Variants in JAKMIP1 observed in about 807,000 individuals in gnomAD.
The protein encoded by JAKMIP1 is janus kinase and microtubule interacting protein 1, also known as janus kinase and microtubule-interacting protein 1.
A neutral mutation model predicts 113.0 loss-of-function variants in JAKMIP1; 33 were observed. The observed-to-expected ratio is 0.29, with a 90% CI of 0.22 to 0.39. JAKMIP1 has a LOEUF of 0.39. Among genes scored for constraint, JAKMIP1 ranks in the 10% least tolerant of loss-of-function variants. JAKMIP1 has a pLI of 1.00. For missense variants in JAKMIP1, 813 were observed against 1,080.5 expected (o/e 0.75, Z 3.47); for synonymous variants, 480 against 459.9 (o/e 1.04, Z -0.56).
chr4:6,191,915 T>TTATTTATTTATG (rs1727303493), intron 1 of JAKMIP1, among the ~76,000 whole-genome samples: 1 of 147,916 alleles, frequency 6.8e-6, no homozygotes. Context: ...GGAGTGCATT[T>TTATTTATTTATG]TATTTATTTA....
Position 6,180,460 on chromosome 4 carries a change from T to G in JAKMIP1, c.-148+19793A>C, listed in dbSNP as rs899265612. Among the ~76,000 whole-genome samples, 1 of 152,204 alleles carries G rather than the reference T, an allele frequency of 6.6e-6. No homozygotes were observed. The highest frequency in any genetic ancestry group is 1.5e-5 in the Non-Finnish European group (1 of 68,042). ...GGTGAGGATAGGCAATGGGGACCGA[T>G]ACCTGTGCTACAAGAAGAATTAAGC... On this transcript the variant is annotated intron_variant, in intron 1 of 20. Coordinates refer to ENST00000409021, the MANE Select transcript of JAKMIP1 (RefSeq NM_001099433.2). The surrounding 1 kb of genome is among the most constrained non-coding windows in gnomAD (Gnocchi z 4.5).
chr4:6,199,377 C>A lies in JAKMIP1; in HGVS notation c.-148+876G>T, dbSNP rs888452408. On this transcript the variant is annotated intron_variant, in intron 1 of 20. Coordinates refer to ENST00000409021, the MANE Select transcript of JAKMIP1 (RefSeq NM_001099433.2). This position sits in a 1 kb window ranked among gnomAD's most constrained non-coding sequence, Gnocchi z 5.6. ...GCGGCCTCTATCTGGGCTGCCCAGGCCGGATGCTCAGGAGCCCACAGCAGG... is the reference window on the plus strand; with the variant it reads ...GCGGCCTCTATCTGGGCTGCCCAGGACGGATGCTCAGGAGCCCACAGCAGG... Among the ~76,000 whole-genome samples, 11 of 152,124 alleles carry A rather than the reference C, an allele frequency of 7.2e-5. No individual in the cohort carries two copies. Among genetic ancestry groups the A allele is most frequent in the Non-Finnish European group, 1.2e-4 (8 of 68,010 alleles).
At chr4:6,071,991 G>C (rs911265281) in intron 8 of JAKMIP1, among the ~76,000 whole-genome samples, 1 of 152,252 alleles carries the variant, frequency 6.6e-6, no homozygotes, top group African/African-American at 2.4e-5. Flanking sequence ...AAAAACTTAA[G>C]CTGAAAGCTG....
intron 2 of JAKMIP1, among the ~76,000 whole-genome samples, chr4:6,111,304 G>A (rs530784662): frequency 6.6e-6 from 1 of 152,328 alleles, no homozygotes; most frequent in East Asian, 1.9e-4. Flanking sequence ...CGGGGCTTCA[G>A]ATAGACCTTC....
chr4:6,125,858 AGAAACTCG>A (rs1560231060), intron 1 of JAKMIP1, among the ~76,000 whole-genome samples: 123 of 6,404 alleles, frequency 0.019, no homozygotes, highest in Non-Finnish European at 0.031. Flanking sequence ...CCCCCCATAC[AGAAACTCG>A]CGCCATACAC....
chr4:6,040,364 T>C lies in JAKMIP1; in HGVS notation c.2175+275A>G, dbSNP rs1441080826. On this transcript the variant is annotated intron_variant, in intron 18 of 20. Coordinates refer to ENST00000409021, the MANE Select transcript of JAKMIP1 (RefSeq NM_001099433.2). This position sits in a 1 kb window ranked among gnomAD's most constrained non-coding sequence, Gnocchi z 5.8. ...AGTAAAATCAAACATAAAAGAAATA[T>C]AGTTTCTTCTCATTCATCTCAAATG... Among the ~76,000 whole-genome samples, 2 of 152,242 alleles carry C rather than the reference T, an allele frequency of 1.3e-5. No homozygotes were observed. The highest frequency in any genetic ancestry group is 6.5e-5 in the Admixed American group (1 of 15,282).
rs1019295385 is a variant in JAKMIP1 at position 6,192,726 on chromosome 4, C to G, written c.-148+7527G>C. 6.6e-6 allele frequency among the ~76,000 whole-genome samples: 1 copy of G among 152,322 alleles called. No homozygotes were observed. On this transcript the variant is annotated intron_variant, in intron 1 of 20. Coordinates refer to ENST00000409021, the MANE Select transcript of JAKMIP1 (RefSeq NM_001099433.2). The surrounding 1 kb of genome is among the most constrained non-coding windows in gnomAD (Gnocchi z 5.0). ...ACCCCACAGGCAGGGTTCCTGCCCT[C>G]ATAGTGCTTGATTCTAGCTTCTGGG... is the stretch of plus-strand genomic sequence containing the variant.
chr4:6,148,204 T>G (rs531072937), intron 1 of JAKMIP1, among the ~76,000 whole-genome samples: 1 of 152,342 alleles, frequency 6.6e-6, no homozygotes, highest in African/African-American at 2.4e-5. Context: ...CCAAGTTGAA[T>G]AGCAGCTGGA....
chr4:6,178,256 C>A lies in JAKMIP1; in HGVS notation c.-148+21997G>T, dbSNP rs376182508. On this transcript the variant is annotated intron_variant, in intron 1 of 20. Transcript: ENST00000409021. The surrounding 1 kb of genome is among the most constrained non-coding windows in gnomAD (Gnocchi z 5.5). Reference sequence around the variant, plus strand: ...GAGACGTGGCTACCTTTCAGGTAAGCAGCTTTTCCTTTGTTACCCTACGAT... The same window carrying A: ...GAGACGTGGCTACCTTTCAGGTAAGAAGCTTTTCCTTTGTTACCCTACGAT... Among the ~76,000 whole-genome samples, 85 of 152,338 alleles carry A rather than the reference C, an allele frequency of 5.6e-4. 4 individuals are homozygous for A. The South Asian group carries it at 0.017, about 30-fold the overall frequency.
At chr4:6,072,560 C>G (rs1267481170) in intron 8 of JAKMIP1, among the ~76,000 whole-genome samples, 1 of 152,190 alleles carries the variant, frequency 6.6e-6, no homozygotes, top group Admixed American at 6.5e-5. Context: ...TACACACCAA[C>G]CGAGGCCAGC....
At chr4:6,095,513 T>C (rs1336591733) in intron 3 of JAKMIP1, among the ~76,000 whole-genome samples, 1 of 152,204 alleles carries the variant, frequency 6.6e-6, no homozygotes, top group Non-Finnish European at 1.5e-5. Flanking sequence ...CAGAGTCCTG[T>C]TTGCAGCCAT....
Position 6,186,401 on chromosome 4 carries a change from A to G in JAKMIP1, c.-148+13852T>C, listed in dbSNP as rs554669923. On this transcript the variant is annotated intron_variant, in intron 1 of 20. Transcript: ENST00000409021. This position sits in a 1 kb window ranked among gnomAD's most constrained non-coding sequence, Gnocchi z 5.5. ...AAGGGGCAAGCAGGAGTGATGGAGG[A>G]TGAGACAGGAAGGGAAAAGTGGGGG... Among the ~76,000 whole-genome samples, 8 of 152,308 alleles carry G rather than the reference A, an allele frequency of 5.3e-5. No individual in the cohort carries two copies. Among genetic ancestry groups the G allele is most frequent in the African/African-American group, 1.9e-4 (8 of 41,566 alleles).
Position 6,061,136 on chromosome 4 carries a change from A to T in JAKMIP1, c.1561-629T>A, listed in dbSNP as rs1354177182. The stretch of plus-strand genomic sequence containing the variant: ...AAGAAATGGGACGCCTGTTGCTGCC[A>T]GATGTTCTGACCTTTCAAGAGAGGT... On this transcript the variant is annotated intron_variant, in intron 10 of 20. Coordinates refer to ENST00000409021, the MANE Select transcript of JAKMIP1 (RefSeq NM_001099433.2). The surrounding 1 kb of genome is among the most constrained non-coding windows in gnomAD (Gnocchi z 5.3). 6.6e-6 allele frequency among the ~76,000 whole-genome samples: 1 copy of T among 152,254 alleles called. No homozygotes were observed. Among genetic ancestry groups the T allele is most frequent in the African/African-American group, 2.4e-5 (1 of 41,470 alleles).
At chr4:6,103,423 C>T (rs1056394547) in intron 3 of JAKMIP1, among the ~76,000 whole-genome samples, 11 of 152,166 alleles carry the variant, frequency 7.2e-5, no homozygotes, top group Non-Finnish European at 1.2e-4. Flanking sequence ...ATATCTTGCT[C>T]GTACTCTTGT....
rs1387628639 is a variant in JAKMIP1, at chr4:6,140,176, G to A, written c.-147-27179C>T. ...TACACACAGGGGAGAAAGGCTGACA[G>A]CGGCAGAAACAATCAATGTTCACGT... On this transcript the variant is annotated intron_variant, in intron 1 of 20. Coordinates refer to ENST00000409021, the MANE Select transcript of JAKMIP1 (RefSeq NM_001099433.2). This position sits in a 1 kb window ranked among gnomAD's most constrained non-coding sequence, Gnocchi z 9.4. Among the ~76,000 whole-genome samples the A allele has an allele frequency of 6.6e-6, 1 of 152,022 alleles. No homozygotes were observed. Among genetic ancestry groups the A allele is most frequent in the Non-Finnish European group, 1.5e-5 (1 of 68,026 alleles).
chr4:6,140,414 C>T lies in JAKMIP1; in HGVS notation c.-147-27417G>A, dbSNP rs976140925. Among the ~76,000 whole-genome samples the T allele has an allele frequency of 2.0e-5, 3 of 152,056 alleles. No homozygotes were observed. Among genetic ancestry groups the T allele is most frequent in the Non-Finnish European group, 2.9e-5 (2 of 68,026 alleles). On this transcript the variant is annotated intron_variant, in intron 1 of 20. Coordinates refer to ENST00000409021, the MANE Select transcript of JAKMIP1 (RefSeq NM_001099433.2). This position sits in a 1 kb window ranked among gnomAD's most constrained non-coding sequence, Gnocchi z 9.4. ...CACTGTCCCTGTTCCCCCAAAAGGC[C>T]CACCACAGACCCACCCCAGGAGTGT...
intron 19 of JAKMIP1, among the ~76,000 whole-genome samples, chr4:6,034,673 G>C (rs996766969): frequency 2.0e-5 from 3 of 152,156 alleles, no homozygotes; most frequent in Non-Finnish European, 4.4e-5. Context: ...GTGGTGGCGG[G>C]TGCCTATAAT....
chr4:6,079,072 G>C, intron 7 of JAKMIP1, 74 bp from the exon 8 acceptor site: 1 of 1,544,368 alleles, frequency 6.5e-7, no homozygotes, highest in Non-Finnish European at 8.9e-7. Context: ...GGCTCTCAAA[G>C]GGAGCTGGGC....
Position 6,059,797 on chromosome 4 carries a change from C to T in JAKMIP1, c.1644+627G>A, listed in dbSNP as rs868547447. On this transcript the variant is annotated intron_variant, in intron 11 of 20. Coordinates refer to ENST00000409021, the MANE Select transcript of JAKMIP1 (RefSeq NM_001099433.2). The surrounding 1 kb of genome is among the most constrained non-coding windows in gnomAD (Gnocchi z 4.8). Reference sequence around the variant, plus strand: ...AGCAGCACTTCTGACACAGAGGAGGCCGACCCATACGAACCTTCGCATGCC... The same window carrying T: ...AGCAGCACTTCTGACACAGAGGAGGTCGACCCATACGAACCTTCGCATGCC... Among the ~76,000 whole-genome samples the T allele has an allele frequency of 1.3e-5, 2 of 152,118 alleles. No homozygotes were observed. Among genetic ancestry groups the T allele is most frequent in the African/African-American group, 4.8e-5 (2 of 41,436 alleles).
Sources: allele counts gnomAD v4.1 joint callset (sites outside exome capture counted in the v4.1 genomes callset), GRCh38; gene constraint gnomAD v4.1.1; non-coding constraint Gnocchi (gnomAD v3.1); transcripts MANE v1.5; gene names NCBI Gene and HGNC (gene_info 2026-07-23, HGNC 2026-07-21).